WWOX: variants seen among roughly 807,000 people sequenced by gnomAD.
The protein encoded by WWOX is WW domain containing oxidoreductase.
WWOX carries 69 observed loss-of-function variants against 46.2 expected under a neutral mutation model. That is an observed-to-expected ratio of 1.49 (90% CI 1.23 to 1.82). The LOEUF (loss-of-function observed/expected upper bound fraction) is 1.82. Among genes scored for constraint, WWOX ranks in the 40% most tolerant of loss-of-function variants. WWOX has a pLI of 0.00. For missense variants in WWOX, 919 were observed against 542.6 expected, an observed-to-expected ratio of 1.69 and a Z score of -6.89; for synonymous variants, 359 against 202.6, an observed-to-expected ratio of 1.77 and a Z score of -6.56.
intron 8 of WWOX, among the ~76,000 whole-genome samples, chr16:78,613,567 G>C (rs1296847005): frequency 1.3e-5 from 2 of 152,164 alleles, no homozygotes; most frequent in East Asian, 3.9e-4. Context: ...TTGACCCATA[G>C]TGGGTGTTCT....
At chr16:78,963,797 G>A (rs1271324515) in intron 8 of WWOX, among the ~76,000 whole-genome samples, 1 of 152,142 alleles carries the variant, frequency 6.6e-6, no homozygotes, top group Non-Finnish European at 1.5e-5. Flanking sequence ...TGCTTTGGCT[G>A]TGTCCCCACC....
chr16:78,327,748 G>A (rs1002016530), intron 5 of WWOX, among the ~76,000 whole-genome samples: 1 of 151,926 alleles, frequency 6.6e-6, no homozygotes, highest in African/African-American at 2.4e-5. Context: ...CCCCGACCAT[G>A]GCTATATTAT....
intron 8 of WWOX, among the ~76,000 whole-genome samples, chr16:78,761,213 C>T (rs2049784790): frequency 6.6e-6 from 1 of 152,026 alleles, no homozygotes; most frequent in African/African-American, 2.4e-5. Context: ...TAGTTAATGG[C>T]CTCATCTTTT....
chr16:78,262,841 C>T (rs996892980), intron 5 of WWOX, among the ~76,000 whole-genome samples: 3 of 152,242 alleles, frequency 2.0e-5, no homozygotes, highest in Middle Eastern at 3.4e-3. Flanking sequence ...TCTTAGATGC[C>T]CTTACTCTGT....
intron 5 of WWOX, among the ~76,000 whole-genome samples, chr16:78,353,244 G>C (rs917073901): frequency 1.3e-5 from 2 of 152,196 alleles, no homozygotes; most frequent in African/African-American, 4.8e-5. Flanking sequence ...AGGGGCCCGT[G>C]TATAATACCT....
At chr16:78,515,795 GTCT>G (rs1249863327) in intron 8 of WWOX, among the ~76,000 whole-genome samples, 1 of 152,122 alleles carries the variant, frequency 6.6e-6, no homozygotes, top group East Asian at 1.9e-4. Flanking sequence ...AGGGTACAGG[GTCT>G]TCTTCCAATA....
intron 5 of WWOX, among the ~76,000 whole-genome samples, chr16:78,340,670 A>G (rs768864656): frequency 8.3e-6 from 1 of 119,990 alleles, no homozygotes; most frequent in Non-Finnish European, 2.0e-5. Flanking sequence ...TGGGAAAACC[A>G]CTGTGTTTGA....
intron 8 of WWOX, among the ~76,000 whole-genome samples, chr16:78,960,847 C>G (rs370254994): frequency 3.9e-5 from 6 of 152,254 alleles, no homozygotes; most frequent in African/African-American, 1.4e-4. Flanking sequence ...GCCTCAGTTG[C>G]TTTATTTACT....
intron 8 of WWOX, among the ~76,000 whole-genome samples, chr16:78,923,786 T>A (rs970340726): frequency 7.0e-6 from 1 of 142,842 alleles, no homozygotes; most frequent in Non-Finnish European, 1.5e-5. Context: ...AGGAACTGTT[T>A]TTAGTTAGTT....
intron 5 of WWOX, among the ~76,000 whole-genome samples, chr16:78,317,495 A>C (rs1364030838): frequency 3.3e-5 from 5 of 152,142 alleles, no homozygotes; most frequent in Non-Finnish European, 1.5e-5. Context: ...AGGCTGAGAA[A>C]CCATGTACTA....
intron 8 of WWOX, among the ~76,000 whole-genome samples, chr16:78,753,651 A>G (rs1290251915): frequency 6.6e-6 from 1 of 150,940 alleles, no homozygotes; most frequent in Non-Finnish European, 1.5e-5. Flanking sequence ...CATAAACAGA[A>G]ATTAGCTGGG....
chr16:79,162,385 C>G (rs1324809899), intron 8 of WWOX, among the ~76,000 whole-genome samples: 2 of 152,184 alleles, frequency 1.3e-5, no homozygotes, highest in South Asian at 2.1e-4. Context: ...GGTTGTAATA[C>G]TCTCTCTTGT....
At chr16:78,231,463 G>A (rs751679306) in intron 5 of WWOX, among the ~76,000 whole-genome samples, 3 of 152,196 alleles carry the variant, frequency 2.0e-5, no homozygotes, top group Non-Finnish European at 2.9e-5. Context: ...GGTGGCCATC[G>A]AAAATAGTCA....
chr16:78,867,678 T>C lies in WWOX; in HGVS notation c.1057-343930T>C, dbSNP rs1419793437. ...ACCTCAGCCTCACGAGTAGCTGGGA[T>C]TTCAGGTGCCTGCCACCATGCCTGG... On this transcript the variant is annotated intron_variant, in intron 8 of 8. Coordinates refer to ENST00000566780, the MANE Select transcript of WWOX (RefSeq NM_016373.4). 2.0e-5 allele frequency among the ~76,000 whole-genome samples: 3 copies of C among 152,166 alleles called. No homozygotes were observed. The East Asian group carries it at 5.8e-4, about 29-fold the overall frequency.
chr16:78,634,118 A>G (rs2046507467), intron 8 of WWOX, among the ~76,000 whole-genome samples: 1 of 152,142 alleles, frequency 6.6e-6, no homozygotes, highest in South Asian at 2.1e-4. Context: ...ATGACTCTGT[A>G]CCAGAGAGAG....
intron 8 of WWOX, among the ~76,000 whole-genome samples, chr16:78,812,695 C>T (rs942635936): frequency 3.3e-5 from 5 of 151,978 alleles, no homozygotes; most frequent in African/African-American, 9.7e-5. Flanking sequence ...CACTGCACTG[C>T]AGCCTGGGTG....
intron 8 of WWOX, among the ~76,000 whole-genome samples, chr16:79,130,493 T>C (rs1027824343): frequency 6.6e-6 from 1 of 152,254 alleles, no homozygotes; most frequent in Non-Finnish European, 1.5e-5. Flanking sequence ...AAGATGTCCT[T>C]TGAGCTGAGT....
chr16:78,278,466 G>A, intron 5 of WWOX: 2 of 813,286 alleles, frequency 2.5e-6, no homozygotes, highest in Non-Finnish European at 3.9e-6. Flanking sequence ...AGGAGGTGTT[G>A]GAAGAAGGTT....
chr16:79,107,231 G>A (rs991408533), intron 8 of WWOX, among the ~76,000 whole-genome samples: 17 of 151,594 alleles, frequency 1.1e-4, no homozygotes, highest in Non-Finnish European at 1.0e-4. Flanking sequence ...ACGAATCACC[G>A]CGCCCAGCCC....
Sources: gnomAD v4.1 joint callset for allele counts (sites outside exome capture counted in the v4.1 genomes callset) on GRCh38, gnomAD v4.1.1 for gene constraint, MANE v1.5 for transcripts, NCBI Gene and HGNC (gene_info 2026-07-23, HGNC 2026-07-21) for gene names.